CHRM3: variants seen among roughly 807,000 people sequenced by gnomAD.
The protein encoded by CHRM3 is cholinergic receptor muscarinic 3, also known as muscarinic acetylcholine receptor M3.
A neutral mutation model predicts 41.8 loss-of-function variants in CHRM3; 11 were observed. The observed-to-expected ratio is 0.26, with a 90% confidence interval of 0.17 to 0.44. The LOEUF is 0.44. CHRM3 is among the 20% of genes least tolerant of loss of function. The pLI is 1.00. For synonymous variants in CHRM3, 297 were observed against 301.4 expected (o/e 0.99, Z 0.15); for missense variants, 571 against 745.4 (o/e 0.77, Z 2.72).
At chr1:239,657,356 T>G (rs1573161332) in intron 4 of CHRM3, among the ~76,000 whole-genome samples, 1 of 152,338 alleles carries the variant, frequency 6.6e-6, no homozygotes, top group African/African-American at 2.4e-5. Context: ...TAATACTATT[T>G]CACTCAGTTT....
chr1:239,908,921 C>A lies in CHRM3; in HGVS notation c.1470C>A (p.Ala490=), dbSNP rs966153717. The change falls in exon 7 of 7, where the codon GCC becomes GCA. Residue 490 remains alanine, a synonymous_variant. Coordinates refer to ENST00000676153, the MANE Select transcript of CHRM3 (RefSeq NM_001375978.1). This position sits in a 1 kb window ranked among gnomAD's most constrained non-coding sequence, Gnocchi z 7.2. ...CCCTGGTCAAGGAGAAGAAAGCGGCCCAGACCCTCAGTGCGATCTTGCTTG... is the reference window on the plus strand; with the variant it reads ...CCCTGGTCAAGGAGAAGAAAGCGGCACAGACCCTCAGTGCGATCTTGCTTG... ...RMSLVKEKKA[A]QTLSAILLAF... 6.2e-7 allele frequency: 1 copy of A among 1,614,022 alleles called. No homozygotes were observed. The highest frequency in any genetic ancestry group is 8.5e-7 in the Non-Finnish European group (1 of 1,180,020).
chr1:239,630,679 T>C (rs1327022447), intron 3 of CHRM3, among the ~76,000 whole-genome samples: 1 of 152,190 alleles, frequency 6.6e-6, no homozygotes, highest in African/African-American at 2.4e-5. Context: ...CTTGAAGTTC[T>C]AGGTACACAG....
chr1:239,668,206 C>G (rs1021659680), intron 4 of CHRM3, among the ~76,000 whole-genome samples: 1 of 141,190 alleles, frequency 7.1e-6, no homozygotes, highest in South Asian at 2.4e-4. Context: ...CCAAGCAATT[C>G]TCATGCCTCA....
intron 6 of CHRM3, among the ~76,000 whole-genome samples, chr1:239,854,807 A>G (rs1674971665): frequency 6.6e-6 from 1 of 152,168 alleles, no homozygotes. Context: ...CAGAGCTAGC[A>G]TGTTTCCATC....
In CHRM3 at chr1:239,527,962, A is replaced by G. The variant is rs190675407; in HGVS notation, c.-421-17679A>G. Among the ~76,000 whole-genome samples the G allele has an allele frequency of 2.4e-3, 361 of 152,202 alleles. 4 individuals carry two copies. The highest frequency in any genetic ancestry group is 1.6e-3 in the Non-Finnish European group (110 of 68,014). ...TTTCTATGAAAGTGGACATGATGAC[A>G]TGCATTTTATTTTTCCATGTTTTGC... On this transcript the variant is annotated intron_variant, in intron 2 of 6. Coordinates refer to ENST00000676153, the MANE Select transcript of CHRM3 (RefSeq NM_001375978.1).
chr1:239,433,532 T>C (rs1186101557), intron 1 of CHRM3, among the ~76,000 whole-genome samples: 1 of 152,134 alleles, frequency 6.6e-6, no homozygotes, highest in Admixed American at 6.5e-5. Context: ...TCTTTAGTGG[T>C]GATTTGTGAG....
chr1:239,713,963 G>A (rs780332713), intron 5 of CHRM3, among the ~76,000 whole-genome samples: 34 of 152,090 alleles, frequency 2.2e-4, no homozygotes, highest in Non-Finnish European at 4.4e-4. Flanking sequence ...ATGTTAATAC[G>A]GCAGATTTCT....
Position 239,389,496 on chromosome 1 carries a change from G to T in CHRM3, c.-521+2269G>T, listed in dbSNP as rs968265490. On this transcript the variant is annotated intron_variant, in intron 1 of 6. Transcript: ENST00000676153. Reference sequence around the variant, plus strand: ...ACAAATGATTTAATTTCTTAACAAAGAAAATTTGTTATAAATTAGAGTATG... The same window carrying T: ...ACAAATGATTTAATTTCTTAACAAATAAAATTTGTTATAAATTAGAGTATG... Among the ~76,000 whole-genome samples the T allele has an allele frequency of 1.4e-4, 22 of 152,070 alleles. 1 individual carries two copies. The highest frequency in any genetic ancestry group is 7.2e-5 in the African/African-American group (3 of 41,418).
At chr1:239,821,837 A>C (rs1368023661) in intron 5 of CHRM3, among the ~76,000 whole-genome samples, 10 of 152,172 alleles carry the variant, frequency 6.6e-5, no homozygotes, top group Admixed American at 6.5e-4. Context: ...GGGCAGGACC[A>C]GGTGGAGGTA....
chr1:239,424,688 G>A (rs891618627), intron 1 of CHRM3, among the ~76,000 whole-genome samples: 2 of 152,198 alleles, frequency 1.3e-5, no homozygotes, highest in African/African-American at 4.8e-5. Context: ...TGTGAAATTA[G>A]TGGAGAGCAT....
intron 5 of CHRM3, among the ~76,000 whole-genome samples, chr1:239,731,549 T>C (rs1663966634): frequency 6.6e-6 from 1 of 151,780 alleles, no homozygotes; most frequent in African/African-American, 2.4e-5. Context: ...ATTTTTTTCA[T>C]GTGAGCAAGA....
intron 4 of CHRM3, among the ~76,000 whole-genome samples, chr1:239,660,064 G>A (rs146707237): frequency 2.8e-4 from 42 of 152,314 alleles, no homozygotes; most frequent in African/African-American, 8.4e-4. Flanking sequence ...GGGCTCAAAT[G>A]ATCCTCCTGC....
chr1:239,486,707 A>G (rs375339169), intron 1 of CHRM3, among the ~76,000 whole-genome samples: 2 of 152,130 alleles, frequency 1.3e-5, no homozygotes, highest in Non-Finnish European at 2.9e-5. Flanking sequence ...GTAGTTTACC[A>G]ACCCCTGATT....
chr1:239,590,757 T>C (rs1664038186), intron 3 of CHRM3, among the ~76,000 whole-genome samples: 1 of 152,120 alleles, frequency 6.6e-6, no homozygotes, highest in East Asian at 1.9e-4. Context: ...GCAGGCTGAA[T>C]TGCTGGATCA....
At chr1:239,885,249 T>A (rs576787236) in intron 6 of CHRM3, among the ~76,000 whole-genome samples, 35 of 152,328 alleles carry the variant, frequency 2.3e-4, no homozygotes, top group African/African-American at 8.4e-4. Context: ...ACTGTCATTC[T>A]CAAACTTTAG....
rs566379840 is a variant in CHRM3, at chr1:239,666,415, C to T, written c.-249-11771C>T. 1.7e-4 allele frequency among the ~76,000 whole-genome samples: 26 copies of T among 151,994 alleles called. No individual in the cohort carries two copies. In the South Asian group the frequency reaches 5.4e-3, roughly 32 times the overall value. On this transcript the variant is annotated intron_variant, in intron 4 of 6. Transcript: ENST00000676153. ...CCATGTTGGCCAGGCTAGTCTCGAA[C>T]TTCTGACCTCAGGTGATCTGCCCAC...
intron 5 of CHRM3, among the ~76,000 whole-genome samples, chr1:239,770,676 A>G (rs1289306495): frequency 1.3e-5 from 2 of 152,192 alleles, no homozygotes; most frequent in Admixed American, 6.5e-5. Flanking sequence ...CTGAGTGATG[A>G]CAGCTGCAGA....
intron 1 of CHRM3, among the ~76,000 whole-genome samples, chr1:239,463,755 A>C (rs1239659233): frequency 6.6e-6 from 1 of 152,134 alleles, no homozygotes; most frequent in Non-Finnish European, 1.5e-5. Flanking sequence ...ATTGTTGACT[A>C]TAGGTAAGAT....
chr1:239,422,368 C>A (rs960699887), intron 1 of CHRM3, among the ~76,000 whole-genome samples: 1 of 152,136 alleles, frequency 6.6e-6, no homozygotes, highest in African/African-American at 2.4e-5. Flanking sequence ...AATAAATAAT[C>A]CTTCCTTTTA....
Sources: gnomAD v4.1 joint callset for allele counts (sites outside exome capture counted in the v4.1 genomes callset) on GRCh38, gnomAD v4.1.1 for gene constraint, Gnocchi (gnomAD v3.1) non-coding constraint, MANE v1.5 for transcripts, NCBI Gene and HGNC (gene_info 2026-07-23, HGNC 2026-07-21) for gene names.